PAK1: variants seen among roughly 807,000 people sequenced by gnomAD.
The protein encoded by PAK1 is serine/threonine-protein kinase PAK 1.
In PAK1, 29 loss-of-function variants were observed where a neutral mutation model predicts 67.4. The ratio of observed to expected loss-of-function variants is 0.43; its 90% CI spans 0.32 to 0.59. The LOEUF is 0.59. Ranked by LOEUF, PAK1 falls within the 20% of genes least tolerant of loss-of-function variation. The pLI is 0.07. For missense variants in PAK1, 337 were observed against 670.7 expected (o/e 0.50, Z 5.50); for synonymous variants, 223 against 237.4 (o/e 0.94, Z 0.56).
chr11:77,427,969 G>A (rs1240600800), intron 1 of PAK1, among the ~76,000 whole-genome samples: 1 of 152,216 alleles, frequency 6.6e-6, no homozygotes, highest in African/African-American at 2.4e-5. Flanking sequence ...AGCCAGAGGA[G>A]TAAATGTACT....
In PAK1 at chr11:77,453,035, T is replaced by C. The variant is rs534128218; in HGVS notation, c.-22+20517A>G. Among the ~76,000 whole-genome samples the C allele has an allele frequency of 1.4e-4, 22 of 152,078 alleles. No individual in the cohort carries two copies. The South Asian group carries it at 1.9e-3, about 13-fold the overall frequency. ...ATGTAAATTCATCCATGCCAAGAAA[T>C]AGGAAGAAGGAAGAAGTGGGATATA... On this transcript the variant is annotated intron_variant, in intron 1 of 14. Transcript: ENST00000356341.
chr11:77,412,996 G>A (rs1954722876), intron 1 of PAK1, among the ~76,000 whole-genome samples: 1 of 152,126 alleles, frequency 6.6e-6, no homozygotes, highest in African/African-American at 2.4e-5. Flanking sequence ...CCCAATTACT[G>A]AAACAATAAA....
the PAK1 span, among the ~76,000 whole-genome samples, chr11:77,504,498 TA>T: frequency 5.3e-5 from 8 of 152,248 alleles, no homozygotes; most frequent in Non-Finnish European, 1.0e-4. Flanking sequence ...TAAGTTTGAA[TA>T]TTCTTCTTTG....
intron 14 of PAK1, 126 bp downstream of exon 14, chr11:77,332,604 T>C (rs1941898508): frequency 4.2e-6 from 3 of 719,790 alleles, no homozygotes; most frequent in Non-Finnish European, 4.8e-6. Flanking sequence ...AGGAACAGAG[T>C]GAGTGTAGGA....
At chr11:77,416,952 CA>C (rs145248652) in intron 1 of PAK1, among the ~76,000 whole-genome samples, 5,109 of 131,912 alleles carry the variant, frequency 0.039, 128 homozygotes, top group African/African-American at 0.085. Flanking sequence ...GACTCTGTCT[CA>C]AAAAAAAAAA....
At chr11:77,477,615 C>T (rs949923935), upstream of PAK1, among the ~76,000 whole-genome samples, 9 of 147,960 alleles carry the variant, frequency 6.1e-5, no homozygotes, top group Non-Finnish European at 1.3e-4. Flanking sequence ...CATGTCAGCA[C>T]ACCCCTATAG....
At chr11:77,405,223 C>T (rs935310298) in intron 1 of PAK1, among the ~76,000 whole-genome samples, 2 of 152,138 alleles carry the variant, frequency 1.3e-5, no homozygotes, top group African/African-American at 2.4e-5. Flanking sequence ...ATATGGTAAG[C>T]GACTGGGATC....
intron 3 of PAK1, among the ~76,000 whole-genome samples, chr11:77,379,659 A>G (rs1204124750): frequency 6.6e-6 from 1 of 152,212 alleles, no homozygotes; most frequent in Non-Finnish European, 1.5e-5. Flanking sequence ...CCCCACACAG[A>G]GCCTGCTACC....
the PAK1 span, among the ~76,000 whole-genome samples, chr11:77,490,254 G>A: frequency 3.4e-4 from 52 of 151,460 alleles, no homozygotes; most frequent in Middle Eastern, 3.4e-3. Flanking sequence ...GTCTCCGCCC[G>A]GCCAGCCGCC....
chr11:77,406,059 T>A (rs1953508858), intron 1 of PAK1, among the ~76,000 whole-genome samples: 1 of 152,250 alleles, frequency 6.6e-6, no homozygotes, highest in African/African-American at 2.4e-5. Flanking sequence ...CTACCTCGTT[T>A]GCAGAATCCT....
chr11:77,414,568 TGAA>T (rs1954845316), intron 1 of PAK1, among the ~76,000 whole-genome samples: 1 of 152,196 alleles, frequency 6.6e-6, no homozygotes, highest in Non-Finnish European at 1.5e-5. Context: ...TCAGTGGAAT[TGAA>T]GTAAATAGCC....
chr11:77,497,398 A>G, the PAK1 span, among the ~76,000 whole-genome samples: 1 of 152,210 alleles, frequency 6.6e-6, no homozygotes, highest in Admixed American at 6.5e-5. Flanking sequence ...CAAAAGCCAT[A>G]TGGGGAAGCC....
chr11:77,508,907 G>C, the PAK1 span, among the ~76,000 whole-genome samples: 2 of 147,200 alleles, frequency 1.4e-5, no homozygotes, highest in Admixed American at 6.7e-5. Context: ...TGATCCGCCC[G>C]CCTCGGCCTC....
At chr11:77,391,347 T>C (rs1021470947) in intron 2 of PAK1, among the ~76,000 whole-genome samples, 2 of 152,248 alleles carry the variant, frequency 1.3e-5, no homozygotes, top group African/African-American at 2.4e-5. Context: ...TTAGGAACTT[T>C]GTATGTAGTC....
intron 4 of PAK1, among the ~76,000 whole-genome samples, chr11:77,374,758 C>G (rs1273180425): frequency 6.6e-6 from 1 of 152,154 alleles, no homozygotes; most frequent in African/African-American, 2.4e-5. Context: ...ATTGTATAGC[C>G]TATTGCTTTC....
the PAK1 span, among the ~76,000 whole-genome samples, chr11:77,493,259 C>G: frequency 6.8e-6 from 1 of 146,636 alleles, no homozygotes; most frequent in South Asian, 2.1e-4. Context: ...CCATTGCACT[C>G]AGTCATTTTT....
chr11:77,505,918 G>T, the PAK1 span, among the ~76,000 whole-genome samples: 4 of 152,168 alleles, frequency 2.6e-5, no homozygotes, highest in Non-Finnish European at 5.9e-5. Flanking sequence ...AGCCAGGTCC[G>T]GCGCCAGGGA....
At chr11:77,389,030 T>C (rs1281796929) in intron 2 of PAK1, among the ~76,000 whole-genome samples, 4 of 152,326 alleles carry the variant, frequency 2.6e-5, no homozygotes, top group Admixed American at 6.5e-5. Flanking sequence ...TTTTAGAACA[T>C]TTCATCACTA....
chr11:77,421,875 ATC>A (rs1230356277), intron 1 of PAK1, among the ~76,000 whole-genome samples: 1 of 152,180 alleles, frequency 6.6e-6, no homozygotes, highest in African/African-American at 2.4e-5. Flanking sequence ...GAAATGCACA[ATC>A]TCTGAGGTAT....
Sources: allele counts gnomAD v4.1 joint callset (sites outside exome capture counted in the v4.1 genomes callset), GRCh38; gene constraint gnomAD v4.1.1; transcripts MANE v1.5; gene names NCBI Gene and HGNC (gene_info 2026-07-23, HGNC 2026-07-21).